Variants in QTMAN observed in about 807,000 individuals in gnomAD.
The protein encoded by QTMAN is tRNA-queuosine alpha-mannosyltransferase.
the QTMAN span, among the ~76,000 whole-genome samples, chr2:144,028,088 G>T: frequency 6.6e-6 from 1 of 152,062 alleles, no homozygotes; most frequent in Admixed American, 6.6e-5. Flanking sequence ...TCCTTGGAAG[G>T]AAGGATAACA....
At chr2:143,965,742 G>A in the QTMAN span, among the ~76,000 whole-genome samples, 1 of 152,148 alleles carries the variant, frequency 6.6e-6, no homozygotes, top group Non-Finnish European at 1.5e-5. Flanking sequence ...TCCAGACATT[G>A]CCAAATGTCC....
the QTMAN span, among the ~76,000 whole-genome samples, chr2:144,034,414 G>A: frequency 1.3e-5 from 2 of 152,072 alleles, no homozygotes; most frequent in Admixed American, 6.5e-5. Flanking sequence ...TATCCTATTC[G>A]CTTTCGTACT....
chr2:144,129,611 C>G, the QTMAN span, among the ~76,000 whole-genome samples: 2 of 151,912 alleles, frequency 1.3e-5, no homozygotes, highest in African/African-American at 4.8e-5. Flanking sequence ...TTAAACATTT[C>G]CCAGCATTCT....
the QTMAN span, chr2:143,942,378 C>T: frequency 3.6e-5 from 6 of 167,226 alleles, no homozygotes; most frequent in Non-Finnish European, 7.3e-5. Context: ...CACAGATACC[C>T]GGGAGAACTC....
At chr2:144,161,422 A>C in the QTMAN span, among the ~76,000 whole-genome samples, 5 of 152,226 alleles carry the variant, frequency 3.3e-5, no homozygotes, top group Non-Finnish European at 5.9e-5. Flanking sequence ...AAAGAACAGC[A>C]TAATGTCAGA....
At chr2:144,053,187 G>A in the QTMAN span, among the ~76,000 whole-genome samples, 2 of 152,098 alleles carry the variant, frequency 1.3e-5, no homozygotes, top group South Asian at 4.1e-4. Context: ...ACATTAAAAA[G>A]AACTACCCAT....
chr2:144,176,782 G>T, the QTMAN span, among the ~76,000 whole-genome samples: 8,145 of 152,246 alleles, frequency 0.053, 371 homozygotes, highest in African/African-American at 0.12. Flanking sequence ...AAGATGACTT[G>T]ACTAAATGGA....
chr2:144,294,442 T>A, the QTMAN span: 8 of 152,168 alleles, frequency 5.3e-5, no homozygotes. Context: ...GAATGAGAGC[T>A]CCTTAAGGCC....
the QTMAN span, among the ~76,000 whole-genome samples, chr2:144,222,918 G>T: frequency 6.6e-6 from 1 of 152,122 alleles, no homozygotes. Flanking sequence ...AAGAGAGAGA[G>T]ATTTGCATTT....
At chr2:144,297,079 C>T in the QTMAN span, among the ~76,000 whole-genome samples, 28 of 152,144 alleles carry the variant, frequency 1.8e-4, no homozygotes, top group Non-Finnish European at 4.0e-4. Flanking sequence ...GATTTACTAA[C>T]ATTCCAAATC....
the QTMAN span, chr2:144,177,252 TAAAAAAAAAA>T: frequency 1.7e-6 from 1 of 583,592 alleles, no homozygotes; most frequent in South Asian, 2.0e-5. Context: ...TTGATCCCAA[TAAAAAAAAAA>T]AAAACATTGT....
the QTMAN span, among the ~76,000 whole-genome samples, chr2:144,117,086 C>T: frequency 6.6e-6 from 1 of 152,138 alleles, no homozygotes; most frequent in Non-Finnish European, 1.5e-5. Flanking sequence ...GGACAGCACC[C>T]CGCATACCAC....
the QTMAN span, among the ~76,000 whole-genome samples, chr2:144,047,367 C>T: frequency 6.6e-6 from 1 of 152,148 alleles, no homozygotes; most frequent in Non-Finnish European, 1.5e-5. Context: ...CACGGTAAGG[C>T]ATCTAATCCT....
the QTMAN span, among the ~76,000 whole-genome samples, chr2:144,130,512 C>T: frequency 6.6e-6 from 1 of 151,886 alleles, no homozygotes; most frequent in African/African-American, 2.4e-5. Context: ...TGTGGCAGAG[C>T]TCTGGCTCTA....
At chr2:144,011,465 T>C in the QTMAN span, among the ~76,000 whole-genome samples, 1 of 152,108 alleles carries the variant, frequency 6.6e-6, no homozygotes, top group Non-Finnish European at 1.5e-5. Context: ...TTTCTAAATG[T>C]AGCTCTATGG....
the QTMAN span, chr2:144,006,981 A>C: frequency 2.3e-6 from 1 of 426,838 alleles, no homozygotes; most frequent in Non-Finnish European, 4.1e-6. Flanking sequence ...AATTACCTGT[A>C]ATTCAAATTT....
At chr2:143,974,705 TTTTG>T in the QTMAN span, among the ~76,000 whole-genome samples, 5 of 151,906 alleles carry the variant, frequency 3.3e-5, no homozygotes, top group Non-Finnish European at 5.9e-5. Flanking sequence ...CTTTCTTTCT[TTTTG>T]TTTTTTTTTG....
chr2:144,084,155 C>T, the QTMAN span, among the ~76,000 whole-genome samples: 128 of 152,284 alleles, frequency 8.4e-4, no homozygotes, highest in African/African-American at 2.9e-3. Context: ...CCATGTGCCA[C>T]GAGGACCAGT....
At chr2:144,178,478 G>A in the QTMAN span, 2 of 152,422 alleles carry the variant, frequency 1.3e-5, no homozygotes, top group Non-Finnish European at 2.9e-5. Context: ...GGTTGACACT[G>A]TATCATGTTG....
Sources: allele counts gnomAD v4.1 joint callset (sites outside exome capture counted in the v4.1 genomes callset), GRCh38; gene constraint gnomAD v4.1.1; transcripts MANE v1.5; gene names NCBI Gene and HGNC (gene_info 2026-07-23, HGNC 2026-07-21).